TGFBRAP1: variants seen among roughly 807,000 people sequenced by gnomAD.
TGFBRAP1 encodes transforming growth factor-beta receptor-associated protein 1.
In TGFBRAP1, 20 loss-of-function variants were observed where a neutral mutation model predicts 83.2. The ratio of observed to expected loss-of-function variants is 0.24; its 90% confidence interval spans 0.17 to 0.35. The LOEUF (loss-of-function observed/expected upper bound fraction) is 0.35, where lower values mean the gene tolerates loss of function less well. TGFBRAP1 is among the 10% of genes least tolerant of loss of function. TGFBRAP1 has a pLI of 1.00. For missense variants in TGFBRAP1, 950 were observed against 1,099.4 expected (o/e 0.86, Z 1.92); for synonymous variants, 415 against 459.8 (o/e 0.90, Z 1.25).
chr2:105,312,326 T>A (rs949344564), intron 1 of TGFBRAP1, among the ~76,000 whole-genome samples: 2 of 152,134 alleles, frequency 1.3e-5, no homozygotes, highest in African/African-American at 4.8e-5. Context: ...ATATTAAATT[T>A]AAAAAATTCA....
chr2:105,326,961 T>C (rs2104427345), intron 1 of TGFBRAP1, among the ~76,000 whole-genome samples: 1 of 152,272 alleles, frequency 6.6e-6, no homozygotes, highest in Non-Finnish European at 1.5e-5. Flanking sequence ...CTACATTCAT[T>C]TAGTAGGTAT....
At chr2:105,273,428 G>C in intron 9 of TGFBRAP1, 116 bp downstream of exon 9, 1 of 1,413,262 alleles carries the variant, frequency 7.1e-7, no homozygotes, top group Non-Finnish European at 9.6e-7. Flanking sequence ...CCATCAACAA[G>C]TACGGATGGA....
At chr2:105,304,070 A>C (rs1429909367) in intron 2 of TGFBRAP1, among the ~76,000 whole-genome samples, 3 of 152,238 alleles carry the variant, frequency 2.0e-5, no homozygotes, top group Non-Finnish European at 4.4e-5. Flanking sequence ...GTATATATAT[A>C]TTTACATCGA....
intron 4 of TGFBRAP1, among the ~76,000 whole-genome samples, chr2:105,292,227 T>C (rs992355577): frequency 1.4e-4 from 22 of 152,312 alleles, no homozygotes; most frequent in African/African-American, 5.3e-4. Context: ...CCAAATAGCA[T>C]GTGGAAGGCT....
At chr2:105,268,106 G>A (rs1677005999) in intron 11 of TGFBRAP1, among the ~76,000 whole-genome samples, 1 of 152,176 alleles carries the variant, frequency 6.6e-6, no homozygotes, top group Non-Finnish European at 1.5e-5. Context: ...TGATCAACAG[G>A]ACTTGAGTTC....
chr2:105,267,435 G>C lies in TGFBRAP1; in HGVS notation c.2531C>G (p.Ala844Gly), dbSNP rs761819963. 2.5e-6 allele frequency: 4 copies of C among 1,614,184 alleles called. No homozygotes were observed. Among genetic ancestry groups the C allele is most frequent in the Non-Finnish European group, 3.4e-6 (4 of 1,180,044 alleles). The part of the protein sequence containing the change: ...PNGGLVHTHC[A>G]ASRHTNPSSS... ...GCTGGGGTTTGTGTGTCTGCTGGCG[G>C]CACAGTGGGTGTGCACAAGACCACC... Residue 844 changes from alanine to glycine, a missense_variant, in exon 12 of 12, where the codon GCC (alanine) becomes GGC (glycine). Ala to Gly is a moderately conservative substitution (Grantham distance 60). Transcript: ENST00000393359.
chr2:105,319,247 G>C (rs1333552929), intron 1 of TGFBRAP1, among the ~76,000 whole-genome samples: 1 of 151,924 alleles, frequency 6.6e-6, no homozygotes, highest in Non-Finnish European at 1.5e-5. Context: ...TTTTAGTAGA[G>C]ACGGGAATCT....
intron 6 of TGFBRAP1, among the ~76,000 whole-genome samples, chr2:105,279,011 C>T (rs933909471): frequency 6.6e-6 from 1 of 152,128 alleles, no homozygotes; most frequent in African/African-American, 2.4e-5. Context: ...GGGAGTTCAT[C>T]CACGCTTTTG....
intron 1 of TGFBRAP1, among the ~76,000 whole-genome samples, chr2:105,325,306 G>A (rs892411054): frequency 5.3e-5 from 8 of 152,172 alleles, no homozygotes; most frequent in African/African-American, 1.9e-4. Flanking sequence ...ACTGGGTTTG[G>A]TGGGATACTG....
intron 1 of TGFBRAP1, among the ~76,000 whole-genome samples, chr2:105,315,556 C>T (rs1356158795): frequency 6.6e-6 from 1 of 152,140 alleles, no homozygotes; most frequent in African/African-American, 2.4e-5. Flanking sequence ...GGGCAAATGA[C>T]TCAAACACTT....
At chr2:105,303,580 T>C (rs1242355429) in intron 2 of TGFBRAP1, among the ~76,000 whole-genome samples, 1 of 152,250 alleles carries the variant, frequency 6.6e-6, no homozygotes, top group East Asian at 1.9e-4. Context: ...GAGTTTATAA[T>C]GATACTTTTC....
chr2:105,252,639 T>C, the TGFBRAP1 span, among the ~76,000 whole-genome samples: 1 of 152,182 alleles, frequency 6.6e-6, no homozygotes, highest in Non-Finnish European at 1.5e-5. Flanking sequence ...GGGAGCCTCC[T>C]TTTGCCTGCA....
intron 11 of TGFBRAP1, 65 bp from the exon 12 acceptor site, chr2:105,267,624 C>A: frequency 6.3e-7 from 1 of 1,593,892 alleles, no homozygotes; most frequent in South Asian, 1.1e-5. Context: ...TGGCTACGTT[C>A]TAGTTTTGCA....
At chr2:105,311,548 G>A (rs903158184) in intron 1 of TGFBRAP1, among the ~76,000 whole-genome samples, 11 of 151,542 alleles carry the variant, frequency 7.3e-5, no homozygotes, top group Admixed American at 3.3e-4. Context: ...TTGCACCACC[G>A]CTCTCCAGCC....
chr2:105,250,634 T>C, the TGFBRAP1 span, among the ~76,000 whole-genome samples: 1 of 133,830 alleles, frequency 7.5e-6, no homozygotes, highest in Non-Finnish European at 1.6e-5. Context: ...TCCCTCTCCC[T>C]CTCCCCACGG....
intron 4 of TGFBRAP1, among the ~76,000 whole-genome samples, chr2:105,291,614 T>C (rs951674022): frequency 6.6e-5 from 10 of 152,202 alleles, no homozygotes; most frequent in African/African-American, 2.2e-4. Context: ...GATTCTTCCA[T>C]GCTGCAACAT....
rs1677498335 is a variant in TGFBRAP1, at chr2:105,280,494, C to T, written c.1351G>A (p.Ala451Thr). 1.9e-6 allele frequency: 3 copies of T among 1,614,164 alleles called. No individual in the cohort carries two copies. The East Asian group carries it at 6.7e-5, about 36-fold the overall frequency. ...GCCTCTGCATACAGTTTGAGCAAGG[C>T]TGTGTCGATGTCCTCCTTGTAGCCA... is the stretch of plus-strand genomic sequence containing the variant. ...ANGYKEDIDT[A>T]LLKLYAEADH... is the part of the protein sequence containing the mutation. Residue 451 changes from alanine to threonine, a missense_variant, in exon 6 of 12, where the codon GCC becomes ACC. Coordinates refer to ENST00000393359, the MANE Select transcript of TGFBRAP1 (RefSeq NM_004257.6).
At chr2:105,305,445 A>G (rs943692304) in intron 2 of TGFBRAP1, among the ~76,000 whole-genome samples, 1 of 152,168 alleles carries the variant, frequency 6.6e-6, no homozygotes, top group African/African-American at 2.4e-5. Flanking sequence ...ACCAGGAGAC[A>G]TCACTAAGGT....
chr2:105,260,876 A>G (rs1019754458), downstream of TGFBRAP1, among the ~76,000 whole-genome samples: 2 of 152,226 alleles, frequency 1.3e-5, no homozygotes, highest in South Asian at 2.1e-4. Flanking sequence ...TGGGGAGGGC[A>G]TAAAATTTGA....
Sources: allele counts gnomAD v4.1 joint callset (sites outside exome capture counted in the v4.1 genomes callset), GRCh38; gene constraint gnomAD v4.1.1; transcripts MANE v1.5; gene names NCBI Gene and HGNC (gene_info 2026-07-23, HGNC 2026-07-21).